The following LDAH variants were observed in gnomAD, a reference collection of about 807,000 sequenced individuals.
LDAH encodes lipid droplet-associated hydrolase.
LDAH carries 26 observed loss-of-function variants against 29.6 expected under a neutral mutation model. The ratio of observed to expected loss-of-function variants is 0.88; its 90% CI spans 0.64 to 1.22. The LOEUF is 1.22. LDAH is among the 50% of genes most tolerant of loss of function. LDAH has a pLI of 0.00. For synonymous variants in LDAH, 117 were observed against 133.0 expected (o/e 0.88, Z 0.83); for missense variants, 344 against 387.3 (o/e 0.89, Z 0.94).
At chr2:20,778,959 T>C (rs928757508) in intron 3 of LDAH, among the ~76,000 whole-genome samples, 3 of 151,884 alleles carry the variant, frequency 2.0e-5, no homozygotes, top group African/African-American at 7.3e-5. Context: ...ATACTGAATA[T>C]AAATGTATAA....
rs1190931222 is a variant in LDAH, at chr2:20,735,863, T to C, written c.703+4108A>G. Among the ~76,000 whole-genome samples the C allele has an allele frequency of 5.3e-5, 8 of 152,252 alleles. No homozygotes were observed. The South Asian group carries it at 1.7e-3, about 32-fold the overall frequency. The stretch of plus-strand genomic sequence containing the variant: ...CTGTACTAGGCTTCCACTGTTACCA[T>C]CTTGGCTGGGACAAGTGGTGAGTCC... On this transcript the variant is annotated intron_variant, in intron 5 of 6. Coordinates refer to ENST00000237822, the MANE Select transcript of LDAH (RefSeq NM_021925.4).
intron 4 of LDAH, among the ~76,000 whole-genome samples, chr2:20,746,960 T>A (rs995058284): frequency 1.3e-5 from 2 of 152,160 alleles, no homozygotes; most frequent in African/African-American, 4.8e-5. Context: ...TGGGAATTTT[T>A]ATACTGGATA....
chr2:20,713,351 T>TCAC (rs1448512274), intron 5 of LDAH, among the ~76,000 whole-genome samples: 1 of 151,752 alleles, frequency 6.6e-6, no homozygotes, highest in Admixed American at 6.6e-5. Flanking sequence ...AGAGATTTTG[T>TCAC]CACCAGGCCT....
At chr2:20,688,439 C>T (rs768657958) in intron 6 of LDAH, among the ~76,000 whole-genome samples, 1 of 152,080 alleles carries the variant, frequency 6.6e-6, no homozygotes, top group African/African-American at 2.4e-5. Flanking sequence ...TGCGCTTTAT[C>T]CCGAAGTCCA....
At position 20,811,577 on chromosome 2, in the gene LDAH, G is replaced by A. The variant is rs373457095; in HGVS notation, c.-2-10112C>T. On this transcript the variant is annotated intron_variant, in intron 1 of 6. Coordinates refer to ENST00000237822, the MANE Select transcript of LDAH (RefSeq NM_021925.4). ...TCGGCTCAAAGCAAGCTCTGCCCCC[G>A]GGGTTCACGCCATTCTCCTGCCTCA... Among the ~76,000 whole-genome samples, 16 of 151,124 alleles carry A rather than the reference G, an allele frequency of 1.1e-4. 1 individual carries two copies. In the East Asian group the frequency reaches 2.0e-3, roughly 19 times the overall value.
At position 20,767,140 on chromosome 2, in the gene LDAH, G is replaced by A. The variant is rs201870212; in HGVS notation, c.468+7670C>T. ...TTGCCCCTACCCTGACACTGGCCTGGGCCCAGCAAGTACCTAGAGCCCCTG... is the reference window on the plus strand; with the variant it reads ...TTGCCCCTACCCTGACACTGGCCTGAGCCCAGCAAGTACCTAGAGCCCCTG... On this transcript the variant is annotated intron_variant, in intron 4 of 6. Transcript: ENST00000237822. Among the ~76,000 whole-genome samples, 11 of 152,266 alleles carry A rather than the reference G, an allele frequency of 7.2e-5. No individual in the cohort carries two copies. The East Asian group carries it at 2.1e-3, about 29-fold the overall frequency.
intron 4 of LDAH, among the ~76,000 whole-genome samples, chr2:20,765,015 T>A (rs561585214): frequency 6.6e-6 from 1 of 152,344 alleles, no homozygotes; most frequent in Non-Finnish European, 1.5e-5. Flanking sequence ...AGCTAGACTT[T>A]TTCTAGATGG....
chr2:20,725,371 TGAA>T (rs1436957073), intron 5 of LDAH, among the ~76,000 whole-genome samples: 2 of 152,226 alleles, frequency 1.3e-5, no homozygotes, highest in African/African-American at 2.4e-5. Flanking sequence ...AGACAAGATT[TGAA>T]GAAGACCTGT....
At chr2:20,732,896 TC>T in intron 5 of LDAH, among the ~76,000 whole-genome samples, 1 of 100,706 alleles carries the variant, frequency 9.9e-6, no homozygotes. Flanking sequence ...AGAGACAGGG[TC>T]TCACTATGTC....
At chr2:20,789,435 T>C in intron 3 of LDAH, 1 of 1,442,942 alleles carries the variant, frequency 6.9e-7, no homozygotes, top group South Asian at 1.5e-5. Context: ...GAAATCAATT[T>C]CCATTTTTAA....
intron 5 of LDAH, among the ~76,000 whole-genome samples, chr2:20,735,217 A>C (rs980310690): frequency 1.3e-5 from 2 of 152,118 alleles, no homozygotes; most frequent in Admixed American, 6.6e-5. Flanking sequence ...ACTTTTCCAG[A>C]CCTACTCTCT....
intron 5 of LDAH, among the ~76,000 whole-genome samples, chr2:20,728,354 C>T (rs901826187): frequency 6.6e-6 from 1 of 152,136 alleles, no homozygotes; most frequent in Non-Finnish European, 1.5e-5. Context: ...GGACCAGATT[C>T]CCAGCTGGGA....
intron 5 of LDAH, among the ~76,000 whole-genome samples, chr2:20,710,623 T>G (rs1183589193): frequency 2.2e-5 from 3 of 133,782 alleles, no homozygotes; most frequent in Non-Finnish European, 3.3e-5. Flanking sequence ...TATATATAGA[T>G]ATATATATAT....
intron 5 of LDAH, among the ~76,000 whole-genome samples, chr2:20,738,429 A>G (rs992708413): frequency 2.6e-5 from 4 of 151,444 alleles, no homozygotes; most frequent in Admixed American, 6.6e-5. Context: ...GGAATATCCT[A>G]CTTTGTCTAT....
chr2:20,699,374 T>C (rs1663745586), intron 6 of LDAH, among the ~76,000 whole-genome samples: 1 of 152,196 alleles, frequency 6.6e-6, no homozygotes, highest in Admixed American at 6.5e-5. Context: ...TAGAACTATG[T>C]GCACTTTTAA....
rs189814545 is a variant in LDAH at position 20,684,721 on chromosome 2, C to T, written c.*2182G>A. 14 of 700,518 alleles carry T rather than the reference C, an allele frequency of 2.0e-5. No homozygotes were observed. The highest frequency in any genetic ancestry group is 7.2e-5 in the African/African-American group (4 of 55,276). 43.4% of individuals were successfully genotyped at this position (700,518 alleles called of 1,614,324 possible). A position where few individuals can be genotyped will look rare whatever the true frequency, so the allele number is the denominator to read the frequency against. On this transcript the variant is annotated 3_prime_UTR_variant, in exon 7 of 7. Transcript: ENST00000237822. The stretch of plus-strand genomic sequence containing the variant: ...GCTGGGAACAGACTAGGAACAAACA[C>T]GGGTGTGGTCAAAGCTCAATCGCTG...
chr2:20,710,606 G>GTGTGTATATA (rs1467950593), intron 5 of LDAH, among the ~76,000 whole-genome samples: 2 of 131,874 alleles, frequency 1.5e-5, no homozygotes, highest in African/African-American at 5.5e-5. Context: ...GTGTGTGTGT[G>GTGTGTATATA]TATATATATA....
chr2:20,817,590 T>A (rs1010156634), intron 1 of LDAH, among the ~76,000 whole-genome samples: 1 of 152,156 alleles, frequency 6.6e-6, no homozygotes, highest in East Asian at 1.9e-4. Flanking sequence ...TAACTCACCA[T>A]ATCAACAAGC....
intron 5 of LDAH, among the ~76,000 whole-genome samples, chr2:20,723,435 T>A (rs925552723): frequency 6.6e-6 from 1 of 152,152 alleles, no homozygotes; most frequent in African/African-American, 2.4e-5. Flanking sequence ...CATTTATGTT[T>A]TAAGTACTTT....
Sources: allele counts gnomAD v4.1 joint callset (sites outside exome capture counted in the v4.1 genomes callset), GRCh38; gene constraint gnomAD v4.1.1; transcripts MANE v1.5; gene names NCBI Gene and HGNC (gene_info 2026-07-23, HGNC 2026-07-21).